Variants in LRPPRC observed in about 807,000 individuals in gnomAD.
The protein encoded by LRPPRC is leucine-rich PPR motif-containing protein, mitochondrial.
In LRPPRC, 120 loss-of-function variants were observed where a neutral mutation model predicts 180.3. That is an observed-to-expected ratio of 0.67 (90% CI 0.57 to 0.77). The LOEUF is 0.77. Ranked by LOEUF, LRPPRC falls within the 30% of genes least tolerant of loss-of-function variation. The pLI is 0.00. For synonymous variants in LRPPRC, 723 were observed against 600.0 expected, an observed-to-expected ratio of 1.21 and a Z score of -3.00; for missense variants, 2,012 against 1,657.2, an observed-to-expected ratio of 1.21 and a Z score of -3.72.
At chr2:43,903,382 T>C (rs1189882989) in intron 31 of LRPPRC, 1 of 152,212 alleles carries the variant, frequency 6.6e-6, no homozygotes, top group Non-Finnish European at 1.5e-5. Context: ...ATTTTTTCTT[T>C]CTGCTTTAGA....
chr2:43,953,197 A>G (rs1299883620), intron 14 of LRPPRC, among the ~76,000 whole-genome samples: 1 of 152,224 alleles, frequency 6.6e-6, no homozygotes, highest in Non-Finnish European at 1.5e-5. Flanking sequence ...CAGAAGACTG[A>G]GTACCTTCTA....
chr2:43,946,714 A>G (rs367720480), intron 20 of LRPPRC, among the ~76,000 whole-genome samples: 2 of 152,140 alleles, frequency 1.3e-5, no homozygotes, highest in Non-Finnish European at 1.5e-5. Context: ...TTTCCCTAAA[A>G]CTACAAGTTT....
chr2:43,926,061 A>C (rs562958704), intron 25 of LRPPRC, 100 bp from the exon 26 acceptor site: 2 of 724,254 alleles, frequency 2.8e-6, no homozygotes, highest in Non-Finnish European at 5.1e-6. Flanking sequence ...TTTGCTGCCA[A>C]ATATATATAC....
chr2:43,984,595 C>G (rs1161783041), intron 1 of LRPPRC, among the ~76,000 whole-genome samples: 1 of 152,142 alleles, frequency 6.6e-6, no homozygotes, highest in Non-Finnish European at 1.5e-5. Flanking sequence ...AGTCTTCACT[C>G]TTCAGTTATA....
intron 11 of LRPPRC, among the ~76,000 whole-genome samples, chr2:43,964,129 A>T (rs1328602848): frequency 6.6e-6 from 1 of 152,224 alleles, no homozygotes; most frequent in Non-Finnish European, 1.5e-5. Context: ...GCACTTATGT[A>T]AAAAGTTCCC....
intron 1 of LRPPRC, among the ~76,000 whole-genome samples, chr2:43,995,229 C>G (rs1159175283): frequency 6.6e-6 from 1 of 152,148 alleles, no homozygotes; most frequent in East Asian, 1.9e-4. Context: ...TCGCGCAACA[C>G]CTTCTTAAAT....
intron 1 of LRPPRC, among the ~76,000 whole-genome samples, chr2:43,995,181 C>T (rs1004841575): frequency 2.0e-5 from 3 of 152,166 alleles, no homozygotes; most frequent in African/African-American, 7.2e-5. Flanking sequence ...GCGGAAGTTG[C>T]AGTGAGCTGA....
intron 12 of LRPPRC, among the ~76,000 whole-genome samples, chr2:43,961,651 G>A (rs1429672187): frequency 2.0e-5 from 3 of 152,132 alleles, no homozygotes; most frequent in East Asian, 3.9e-4. Context: ...ACTTTTTAAT[G>A]CCCAGCTGAA....
At chr2:43,898,560 C>T (rs975393974) in intron 34 of LRPPRC, among the ~76,000 whole-genome samples, 3 of 152,058 alleles carry the variant, frequency 2.0e-5, no homozygotes, top group Non-Finnish European at 4.4e-5. Flanking sequence ...ACTGTTCTGT[C>T]GGCACTTGGC....
Position 43,899,352 on chromosome 2 carries a change from A to G in LRPPRC, c.3710-18T>C, listed in dbSNP as rs561433441. ...GATGCTTACTGGAAAAATGACAGGT[A>G]AGAAAAATCTTTCATTAGAACAGTG... On this transcript the variant is annotated intron_variant, in intron 33 of 37. Transcript: ENST00000260665. 1 of 1,609,258 alleles carries G rather than the reference A, an allele frequency of 6.2e-7. No homozygotes were observed. Among genetic ancestry groups the G allele is most frequent in the Non-Finnish European group, 8.5e-7 (1 of 1,175,556 alleles).
intron 8 of LRPPRC, 121 bp downstream of exon 8, chr2:43,974,493 C>A: frequency 1.2e-6 from 1 of 848,848 alleles, no homozygotes; most frequent in Non-Finnish European, 1.9e-6. Flanking sequence ...ATTTAACTGA[C>A]TTTAAGAGTT....
At chr2:43,948,280 G>C in intron 17 of LRPPRC, 81 bp from the exon 18 acceptor site, 2 of 971,734 alleles carry the variant, frequency 2.1e-6, no homozygotes, top group South Asian at 1.3e-5. Flanking sequence ...AATTATCTCA[G>C]ACATAATTTA....
Position 43,918,049 on chromosome 2 carries a change from C to T in LRPPRC, c.3124G>A (p.Ala1042Thr). The T allele has an allele frequency of 6.2e-7, 1 of 1,606,728 alleles. No homozygotes were observed. Residue 1042 changes from alanine (A) to threonine (T), a missense_variant, in exon 29 of 38, where the codon GCC becomes ACC. Transcript: ENST00000260665. ...EPDFQKDILI[A>T]CRLNQKKGAY... ...CCTTTTTTTTGGTTCAATCGGCAGG[C>T]AATCAATATATCTTTCTGGAAATCA...
intron 36 of LRPPRC, chr2:43,890,157 T>C (rs1670435255): frequency 4.4e-6 from 2 of 456,948 alleles, no homozygotes; most frequent in South Asian, 4.3e-5. Flanking sequence ...GTTATTACAT[T>C]ATTTAAGACC....
chr2:43,996,258 G>T (rs904222584), upstream of LRPPRC, among the ~76,000 whole-genome samples: 2 of 152,326 alleles, frequency 1.3e-5, no homozygotes, highest in Non-Finnish European at 2.9e-5. Flanking sequence ...GCCGCAAGAG[G>T]TCAACTCCTC....
chr2:43,978,442 C>T (rs556781223), intron 3 of LRPPRC, among the ~76,000 whole-genome samples: 32 of 152,092 alleles, frequency 2.1e-4, no homozygotes, highest in Non-Finnish European at 7.4e-5. Flanking sequence ...TATAATAACA[C>T]ATTGTTAATC....
intron 25 of LRPPRC, among the ~76,000 whole-genome samples, chr2:43,928,638 C>A (rs896665581): frequency 6.6e-6 from 1 of 152,044 alleles, no homozygotes; most frequent in Non-Finnish European, 1.5e-5. Context: ...GTAGTCCCAG[C>A]TACTCGGGAG....
upstream of LRPPRC, chr2:43,996,130 T>C (rs1381647186): frequency 9.1e-6 from 5 of 551,854 alleles, no homozygotes; most frequent in Non-Finnish European, 1.6e-5. Flanking sequence ...AGACCCAATG[T>C]AATATTTACA....
At chr2:43,905,291 A>G (rs776450890) in intron 31 of LRPPRC, among the ~76,000 whole-genome samples, 5 of 152,262 alleles carry the variant, frequency 3.3e-5, no homozygotes, top group Non-Finnish European at 7.3e-5. Flanking sequence ...ACAATATGCA[A>G]GAAACAACTG....
Sources: gnomAD v4.1 joint callset for allele counts (sites outside exome capture counted in the v4.1 genomes callset) on GRCh38, gnomAD v4.1.1 for gene constraint, MANE v1.5 for transcripts, NCBI Gene and HGNC (gene_info 2026-07-23, HGNC 2026-07-21) for gene names.